Variants in ZNF814 observed in about 807,000 individuals in gnomAD.
The protein encoded by ZNF814 is zinc finger protein 814.
Under a neutral mutation model 7.5 loss-of-function variants are expected in ZNF814, and 5 were observed. The ratio of observed to expected loss-of-function variants is 0.67; its 90% CI spans 0.35 to 1.40. ZNF814 has a LOEUF of 1.40. Among genes scored for constraint, ZNF814 ranks in the 40% most tolerant of loss-of-function variants. The pLI, the probability that ZNF814 is intolerant of heterozygous loss-of-function variation, is 0.04. For synonymous variants in ZNF814, 315 were observed against 340.7 expected (o/e 0.92, Z 0.83); for missense variants, 962 against 1,018.0 (o/e 0.94, Z 0.75).
At position 57,873,705 on chromosome 19, in the gene ZNF814, G is replaced by A. The variant is rs1305680329; in HGVS notation, c.1685C>T (p.Thr562Ile). 3.1e-6 allele frequency: 5 copies of A among 1,610,402 alleles called. No homozygotes were observed. The South Asian group carries it at 3.3e-5, about 11-fold the overall frequency. ...GTGAACTCGCTGATGTAGAATGAGG[G>A]TGCCTTTATGACTAAAAGATTTCCC... ...ECGKSFSHKG[T>I]LILHQRVHPR... The change falls in exon 3 of 3, where the codon ACC becomes ATC. Residue 562 changes from threonine (T) to isoleucine (I), a missense_variant. Physicochemically the swap from Thr to Ile is moderately conservative, Grantham distance 89. This residue lies in a region of ZNF814 where 665 missense variants were observed against 551.4 expected (regional missense o/e 1.21). Coordinates refer to ENST00000435989, the MANE Select transcript of ZNF814 (RefSeq NM_001144989.2).
the ZNF814 span, among the ~76,000 whole-genome samples, chr19:57,901,467 T>C: frequency 6.6e-6 from 1 of 152,120 alleles, no homozygotes; most frequent in Non-Finnish European, 1.5e-5. Flanking sequence ...AATAATTACA[T>C]GGGGAAGAGG....
In ZNF814 at chr19:57,871,496, TAC is replaced by T. The variant is rs2071556657; in HGVS notation, c.*1324_*1325del. On this transcript the variant is annotated 3_prime_UTR_variant, in exon 3 of 3. Coordinates refer to ENST00000435989, the MANE Select transcript of ZNF814 (RefSeq NM_001144989.2). ...GACCTACTTATTTCTGAACCACCCATACAGTGACAACAACCCTCAAGATTGAA... is the reference window on the plus strand; with the variant it reads ...GACCTACTTATTTCTGAACCACCCATAGTGACAACAACCCTCAAGATTGAA... The T allele has an allele frequency of 6.6e-6, 1 of 152,124 alleles. No individual in the cohort carries two copies. The highest frequency in any genetic ancestry group is 2.1e-4 in the South Asian group (1 of 4,830). The allele number at this position is 152,124 out of a possible 1,614,324, so 9.4% of individuals were successfully genotyped here.
At chr19:57,876,314 C>A (rs1359756130) in intron 2 of ZNF814, among the ~76,000 whole-genome samples, 1 of 151,902 alleles carries the variant, frequency 6.6e-6, no homozygotes, top group African/African-American at 2.4e-5. Flanking sequence ...AGGCTGAATT[C>A]ATTTGCATCT....
the ZNF814 span, among the ~76,000 whole-genome samples, chr19:57,898,230 T>G: frequency 5.2e-4 from 79 of 152,198 alleles, no homozygotes; most frequent in African/African-American, 1.8e-3. Flanking sequence ...GAAGGGACGA[T>G]TCAACCTATT....
chr19:57,876,477 A>G (rs1188665909), intron 2 of ZNF814: 4 of 204,910 alleles, frequency 2.0e-5, no homozygotes, highest in African/African-American at 9.2e-5. Context: ...AGAGAAAAAA[A>G]CTGAGTATTT....
upstream of ZNF814, among the ~76,000 whole-genome samples, chr19:57,890,524 G>A (rs2122478752): frequency 6.6e-6 from 1 of 152,200 alleles, no homozygotes; most frequent in South Asian, 2.1e-4. Context: ...TGGTTGGGTT[G>A]GAGATGAAAT....
At chr19:57,900,908 C>CG in the ZNF814 span, among the ~76,000 whole-genome samples, 21 of 120,624 alleles carry the variant, frequency 1.7e-4, no homozygotes, top group East Asian at 2.8e-4. Context: ...AGTGCAGTGA[C>CG]CAATCTCGGT....
chr19:57,889,190 G>A, upstream of ZNF814: 1 of 397,646 alleles, frequency 2.5e-6, no homozygotes, highest in Admixed American at 4.2e-5. Flanking sequence ...AGGGTAAAGG[G>A]CGCAATTCCC....
chr19:57,896,988 T>C, the ZNF814 span, among the ~76,000 whole-genome samples: 1 of 152,180 alleles, frequency 6.6e-6, no homozygotes, highest in Admixed American at 6.5e-5. The surrounding 1 kb of genome is among the most constrained non-coding windows in gnomAD (Gnocchi z 4.2). Context: ...ATGTTGCCAT[T>C]GTTCAGTTAT....
chr19:57,875,646 T>C (rs1600136584), intron 2 of ZNF814, among the ~76,000 whole-genome samples: 1 of 152,100 alleles, frequency 6.6e-6, no homozygotes, highest in Non-Finnish European at 1.5e-5. Flanking sequence ...ATGCCAACAC[T>C]GGAGAGAACA....
upstream of ZNF814, among the ~76,000 whole-genome samples, chr19:57,890,777 C>T (rs1334237629): frequency 6.6e-6 from 1 of 152,096 alleles, no homozygotes; most frequent in Non-Finnish European, 1.5e-5. Flanking sequence ...AATTTCTAAT[C>T]TATGGGGCCC....
intron 1 of ZNF814, among the ~76,000 whole-genome samples, chr19:57,879,800 A>AC (rs1353716087): frequency 3.1e-4 from 31 of 101,322 alleles, no homozygotes; most frequent in African/African-American, 1.1e-3. Flanking sequence ...AAGGCCAAAA[A>AC]CCCTAGGGTT....
At chr19:57,890,914 G>A (rs774527998), upstream of ZNF814, among the ~76,000 whole-genome samples, 5 of 152,182 alleles carry the variant, frequency 3.3e-5, no homozygotes, top group African/African-American at 7.2e-5. Flanking sequence ...GAGCAACTCC[G>A]TCTTGAATAG....
At position 57,872,105 on chromosome 19, in the gene ZNF814, C is replaced by T. The variant is rs1230902471; in HGVS notation, c.*717G>A. ...TGAGCGACACAGTGACAACCTGTCTCAAAAAAAATCTAGCAAGGTACCTGG... is the reference window on the plus strand; with the variant it reads ...TGAGCGACACAGTGACAACCTGTCTTAAAAAAAATCTAGCAAGGTACCTGG... On this transcript the variant is annotated 3_prime_UTR_variant, in exon 3 of 3. Transcript: ENST00000435989. 6.6e-6 allele frequency among the ~76,000 whole-genome samples: 1 copy of T among 151,782 alleles called. No individual in the cohort carries two copies. Among genetic ancestry groups the T allele is most frequent in the Non-Finnish European group, 1.5e-5 (1 of 67,946 alleles).
Position 57,874,762 on chromosome 19 carries a change from C to A in ZNF814, c.628G>T (p.Gly210Trp), listed in dbSNP as rs190903410. ...KTECVSPIQC[G>W]GAHYSCGESM... is the part of the protein sequence containing the mutation. ...TCTCCACAGCTGTAGTGAGCTCCCC[C>A]ACACTGAATGGGAGACACACACTCA... Residue 210 changes from glycine to tryptophan, a missense_variant, in exon 3 of 3, where the codon GGG (glycine) becomes TGG (tryptophan). Coordinates refer to ENST00000435989, the MANE Select transcript of ZNF814 (RefSeq NM_001144989.2). 1.9e-6 allele frequency: 3 copies of A among 1,613,792 alleles called. No individual in the cohort carries two copies. In the Admixed American group the frequency reaches 5.0e-5, roughly 27 times the overall value.
upstream of ZNF814, among the ~76,000 whole-genome samples, chr19:57,889,776 A>C (rs2071723939): frequency 6.6e-6 from 1 of 152,018 alleles, no homozygotes; most frequent in East Asian, 1.9e-4. Flanking sequence ...AGGCAGGAGA[A>C]TCTCTTGTAC....
At chr19:57,877,865 T>C (rs1370875245) in intron 1 of ZNF814, among the ~76,000 whole-genome samples, 2 of 152,106 alleles carry the variant, frequency 1.3e-5, no homozygotes, top group Non-Finnish European at 1.5e-5. Flanking sequence ...AAGAGCAATC[T>C]ACAAATCAAT....
chr19:57,872,851 G>C lies in ZNF814; in HGVS notation c.2539C>G (p.Gln847Glu), dbSNP rs533402715. 25 of 1,610,772 alleles carry C rather than the reference G, an allele frequency of 1.6e-5. No homozygotes were observed. In the South Asian group the frequency reaches 2.2e-4, roughly 14 times the overall value. The change falls in exon 3 of 3, where the codon CAG (glutamine) becomes GAG (glutamate). Residue 847 changes from glutamine (Q) to glutamate (E), a missense_variant. This residue lies in a region of ZNF814 where 665 missense variants were observed against 551.4 expected (regional missense o/e 1.21). Coordinates refer to ENST00000435989, the MANE Select transcript of ZNF814 (RefSeq NM_001144989.2). ...FNKKSHLLVHQSSHWRKAI is the reference protein window; with the variant it reads ...FNKKSHLLVHESSHWRKAI ...ATGGCTTTTCTCCAGTGTGAACTCT[G>C]GTGTACAAGGAGGTGAGACTTCTTG... is the stretch of plus-strand genomic sequence containing the variant.
chr19:57,885,764 A>C (rs2071686578), intron 1 of ZNF814: 1 of 152,200 alleles, frequency 6.6e-6, no homozygotes, highest in South Asian at 2.1e-4. Flanking sequence ...CAGTAAAAAC[A>C]ACCTAATTGT....
Sources: gnomAD v4.1 joint callset for allele counts (sites outside exome capture counted in the v4.1 genomes callset) on GRCh38, gnomAD v4.1.1 for gene constraint, gnomAD v4.1.1 regional missense constraint, Gnocchi (gnomAD v3.1) non-coding constraint, MANE v1.5 for transcripts, NCBI Gene and HGNC (gene_info 2026-07-23, HGNC 2026-07-21) for gene names.